FTO: variants seen among roughly 807,000 people sequenced by gnomAD.
FTO encodes alpha-ketoglutarate-dependent dioxygenase FTO.
A neutral mutation model predicts 63.9 loss-of-function variants in FTO; 47 were observed. The observed-to-expected ratio is 0.74, with a 90% CI of 0.58 to 0.94. The LOEUF is 0.94. Ranked by LOEUF, FTO falls within the 40% of genes least tolerant of loss-of-function variation. FTO has a pLI of 0.00. For missense variants in FTO, 562 were observed against 618.1 expected, an observed-to-expected ratio of 0.91 and a Z score of 0.96; for synonymous variants, 207 against 224.4, an observed-to-expected ratio of 0.92 and a Z score of 0.69.
At chr16:53,738,124 C>G (rs998393566) in intron 1 of FTO, among the ~76,000 whole-genome samples, 2 of 149,354 alleles carry the variant, frequency 1.3e-5, no homozygotes, top group Non-Finnish European at 3.0e-5. Context: ...CTCCTGGGTT[C>G]AAGCGATTCT....
chr16:54,030,908 G>C (rs1032802119), intron 8 of FTO, among the ~76,000 whole-genome samples: 1 of 152,056 alleles, frequency 6.6e-6, no homozygotes, highest in African/African-American at 2.4e-5. Flanking sequence ...TAATAGAAGG[G>C]GTTCGTAGAG....
At chr16:53,815,646 T>TTTTTTG in intron 2 of FTO, among the ~76,000 whole-genome samples, 1 of 41,376 alleles carries the variant, frequency 2.4e-5, no homozygotes. Flanking sequence ...GTTTTTTTTT[T>TTTTTTG]TTTTTTTTTT....
intron 8 of FTO, among the ~76,000 whole-genome samples, chr16:53,976,593 T>A (rs1209561180): frequency 6.6e-6 from 1 of 152,138 alleles, no homozygotes; most frequent in East Asian, 1.9e-4. Context: ...ATTCCGATAG[T>A]CAGATTCCAT....
intron 8 of FTO, among the ~76,000 whole-genome samples, chr16:54,074,908 G>C: frequency 8.3e-6 from 1 of 120,612 alleles, no homozygotes; most frequent in South Asian, 3.0e-4. Context: ...GAGAGAGAGA[G>C]AGAGAGAGAG....
chr16:53,974,465 T>C (rs974307477), intron 8 of FTO, among the ~76,000 whole-genome samples: 9 of 152,178 alleles, frequency 5.9e-5, no homozygotes, highest in Admixed American at 2.6e-4. Context: ...ATGACTTGCC[T>C]GCAAATGATC....
intron 8 of FTO, chr16:53,999,856 G>A (rs770069704): frequency 8.5e-5 from 13 of 152,214 alleles, no homozygotes; most frequent in Non-Finnish European, 1.9e-4. Context: ...AGTACAGTTG[G>A]TTCTTCGCCA....
chr16:53,858,981 A>T (rs2080091090), intron 4 of FTO, among the ~76,000 whole-genome samples: 1 of 152,190 alleles, frequency 6.6e-6, no homozygotes, highest in Non-Finnish European at 1.5e-5. Flanking sequence ...CTAAATAAGC[A>T]AAAAGATCTT....
At chr16:53,949,156 T>TC (rs3214382) in intron 8 of FTO, among the ~76,000 whole-genome samples, 79,181 of 152,092 alleles carry the variant, frequency 0.52, 22,460 homozygotes, top group Middle Eastern at 0.65. Flanking sequence ...GACTGGGACT[T>TC]ATTGCTAGTG....
rs370009039 is a variant in FTO at position 53,826,388 on chromosome 16, A to T, written c.648A>T (p.Lys216Asn). 3 of 1,614,114 alleles carry T rather than the reference A, an allele frequency of 1.9e-6. No homozygotes were observed. In the African/African-American group the frequency reaches 4.0e-5, roughly 22 times the overall value. The change falls in exon 3 of 9, where the codon AAA becomes AAT. Residue 216 changes from lysine (K) to asparagine (N), a missense_variant. By Grantham distance (94) the Lys-to-Asn change is moderately conservative. Coordinates refer to ENST00000471389, the MANE Select transcript of FTO (RefSeq NM_001080432.3). ...FMDPQKMPYL[K>N]EEPYFGMGKM... is the part of the protein sequence containing the mutation. Reference sequence around the variant, plus strand: ...ATCCTCAGAAAATGCCATACCTGAAAGAGGAACCTTATTTTGGCATGGGGA... The same window carrying T: ...ATCCTCAGAAAATGCCATACCTGAATGAGGAACCTTATTTTGGCATGGGGA...
At chr16:53,996,455 A>G (rs764435488) in intron 8 of FTO, among the ~76,000 whole-genome samples, 2 of 152,172 alleles carry the variant, frequency 1.3e-5, no homozygotes, top group Non-Finnish European at 2.9e-5. Context: ...GAAACATTAT[A>G]TTTTAATCTT....
At chr16:54,094,804 T>C (rs998596888) in intron 8 of FTO, among the ~76,000 whole-genome samples, 4 of 152,186 alleles carry the variant, frequency 2.6e-5, no homozygotes, top group African/African-American at 9.7e-5. Context: ...TGTGTGTAGG[T>C]AGAGCATAGA....
chr16:53,805,179 A>T (rs1037868200), intron 1 of FTO, among the ~76,000 whole-genome samples: 6 of 152,224 alleles, frequency 3.9e-5, no homozygotes, highest in African/African-American at 1.4e-4. Context: ...AATAAGTGTC[A>T]TTAGCAGCAT....
intron 8 of FTO, among the ~76,000 whole-genome samples, chr16:54,010,790 A>G (rs552379625): frequency 3.9e-5 from 6 of 152,304 alleles, no homozygotes; most frequent in African/African-American, 1.4e-4. Flanking sequence ...TGTTCTTTCA[A>G]CTGAACTGTG....
chr16:53,823,696 G>T (rs1245865048), intron 2 of FTO, among the ~76,000 whole-genome samples: 1 of 151,998 alleles, frequency 6.6e-6, no homozygotes, highest in African/African-American at 2.4e-5. Flanking sequence ...CTTCTATCCT[G>T]AGCAACAGGG....
At chr16:53,806,464 G>A (rs2151727451) in intron 1 of FTO, among the ~76,000 whole-genome samples, 1 of 152,154 alleles carries the variant, frequency 6.6e-6, no homozygotes, top group East Asian at 1.9e-4. Flanking sequence ...GTTTCTGTAT[G>A]CAAATACAAG....
At chr16:53,707,273 C>A (rs951292526) in intron 1 of FTO, among the ~76,000 whole-genome samples, 1 of 152,164 alleles carries the variant, frequency 6.6e-6, no homozygotes, top group Non-Finnish European at 1.5e-5. Context: ...GGTAGCATCA[C>A]TTCATAACTT....
At chr16:54,049,934 C>G (rs920970936) in intron 8 of FTO, among the ~76,000 whole-genome samples, 1 of 152,240 alleles carries the variant, frequency 6.6e-6, no homozygotes, top group Non-Finnish European at 1.5e-5. Context: ...GTCTGGCCAT[C>G]ATGAGAGATA....
chr16:54,114,716 C>T lies in FTO; in HGVS notation c.*2801C>T, dbSNP rs62034143. ...GGTCAGGAGTTCGAGACCAGCCTGGCCAACACGGTGAAACCCCGTCTCTAC... is the reference window on the plus strand; with the variant it reads ...GGTCAGGAGTTCGAGACCAGCCTGGTCAACACGGTGAAACCCCGTCTCTAC... On this transcript the variant is annotated 3_prime_UTR_variant, in exon 9 of 9. Transcript: ENST00000471389. The T allele has an allele frequency of 0.39, 59,751 of 151,938 alleles. 11,976 individuals are homozygous for T. Among genetic ancestry groups the T allele is most frequent in the East Asian group, 0.49 (2,527 of 5,128 alleles). 9.4% of individuals were successfully genotyped at this position (151,938 alleles called of 1,614,324 possible).
intron 4 of FTO, among the ~76,000 whole-genome samples, chr16:53,870,781 C>T (rs1598873220): frequency 6.6e-6 from 1 of 152,030 alleles, no homozygotes; most frequent in African/African-American, 2.4e-5. Context: ...CTTTTTATTC[C>T]TTTGAGCAGA....
Sources: gnomAD v4.1 joint callset for allele counts (sites outside exome capture counted in the v4.1 genomes callset) on GRCh38, gnomAD v4.1.1 for gene constraint, MANE v1.5 for transcripts, NCBI Gene and HGNC (gene_info 2026-07-23, HGNC 2026-07-21) for gene names.